The following APPL2 variants were observed in gnomAD, a reference collection of about 807,000 sequenced individuals.
APPL2 encodes DCC-interacting protein 13-beta.
APPL2 carries 84 observed loss-of-function variants against 92.7 expected under a neutral mutation model. The ratio of observed to expected loss-of-function variants is 0.91; its 90% CI spans 0.76 to 1.09. APPL2 has a LOEUF of 1.09. Ranked by LOEUF, APPL2 falls within the 50% of genes least tolerant of loss-of-function variation. The pLI, the probability that APPL2 is intolerant of heterozygous loss-of-function variation, is 0.00. For missense variants in APPL2, 736 were observed against 824.5 expected (o/e 0.89, Z 1.31); for synonymous variants, 291 against 291.0 (o/e 1.00, Z 0.00).
intron 2 of APPL2, among the ~76,000 whole-genome samples, chr12:105,223,284 G>T (rs980714685): frequency 6.6e-6 from 1 of 152,132 alleles, no homozygotes; most frequent in Non-Finnish European, 1.5e-5. Flanking sequence ...ACGTTGTTTC[G>T]AATAAAGACC....
At chr12:105,196,928 A>G (rs904171277) in intron 11 of APPL2, among the ~76,000 whole-genome samples, 5 of 152,318 alleles carry the variant, frequency 3.3e-5, no homozygotes, top group Middle Eastern at 3.4e-3. Context: ...TCCCATCACC[A>G]AAGCAGGAAG....
chr12:105,205,589 G>A (rs952596457), intron 8 of APPL2, among the ~76,000 whole-genome samples: 1 of 152,188 alleles, frequency 6.6e-6, no homozygotes, highest in South Asian at 2.1e-4. Context: ...TATCAAGCAA[G>A]TTCTACAGCA....
At chr12:105,233,376 G>C in intron 1 of APPL2, 3 of 985,448 alleles carry the variant, frequency 3.0e-6, no homozygotes, top group African/African-American at 3.5e-5. Flanking sequence ...CAGAAATAAC[G>C]CATGTGTATG....
intron 1 of APPL2, among the ~76,000 whole-genome samples, chr12:105,230,806 T>A (rs924954508): frequency 6.6e-6 from 1 of 152,222 alleles, no homozygotes; most frequent in Non-Finnish European, 1.5e-5. Context: ...AGGACTAATG[T>A]ACTGTCTTCA....
chr12:105,204,798 G>T (rs1888557793), intron 8 of APPL2, among the ~76,000 whole-genome samples: 1 of 152,058 alleles, frequency 6.6e-6, no homozygotes, highest in African/African-American at 2.4e-5. Flanking sequence ...CTTAGGGCAG[G>T]GGCTCACATA....
rs1276052431 is a variant in APPL2, at chr12:105,195,604, C to T, written c.1076G>A (p.Ser359Asn). 1 of 1,614,228 alleles carries T rather than the reference C, an allele frequency of 6.2e-7. No individual in the cohort carries two copies. The highest frequency in any genetic ancestry group is 8.5e-7 in the Non-Finnish European group (1 of 1,180,048). ...GKSGIILQAE[S>N]RKENEEWICA... Reference sequence around the variant, plus strand: ...TTTTACCTCTTCATTTTCCTTTCTGCTCTCAGCCTGGAGGATTATTCCCCT... The same window carrying T: ...TTTTACCTCTTCATTTTCCTTTCTGTTCTCAGCCTGGAGGATTATTCCCCT... Residue 359 changes from serine to asparagine, a missense_variant, in exon 12 of 21, where the codon AGC (serine) becomes AAC (asparagine). Transcript: ENST00000258530.
At chr12:105,178,749 T>C (rs1256107631) in intron 17 of APPL2, among the ~76,000 whole-genome samples, 2 of 152,190 alleles carry the variant, frequency 1.3e-5, no homozygotes, top group Non-Finnish European at 2.9e-5. Context: ...GTTATGACAG[T>C]TAATGAGAAG....
chr12:105,186,927 T>A (rs1886785554), intron 17 of APPL2, among the ~76,000 whole-genome samples: 1 of 151,948 alleles, frequency 6.6e-6, no homozygotes, highest in Admixed American at 6.6e-5. Context: ...CATTTTTTAA[T>A]TGGGTTGTCT....
In APPL2 at chr12:105,208,024, C is replaced by T. The variant is rs745968773; in HGVS notation, c.421G>A (p.Asp141Asn). ...CTGCTGTATTTTGCCATTGAGAGGT[C>T]ATGCTCTAAAAATAAACAGACATCT... ...DLFGLASNEH[D>N]LSMAKYSRLP... The change falls in exon 7 of 21, where the codon GAC (aspartate) becomes AAC (asparagine). Residue 141 changes from aspartate (D) to asparagine (N), a missense_variant. Asp to Asn is a conservative substitution (Grantham distance 23). Transcript: ENST00000258530. 1.9e-6 allele frequency: 3 copies of T among 1,614,022 alleles called. No individual in the cohort carries two copies.
rs200542741 is a variant in APPL2 at position 105,190,102 on chromosome 12, T to C, written c.1295A>G (p.Lys432Arg). ...TGCTTCAGGTAGACTGGCTGTTGCTTTGGGAACAATCTTGTCATTTTCATT... is the reference window on the plus strand; with the variant it reads ...TGCTTCAGGTAGACTGGCTGTTGCTCTGGGAACAATCTTGTCATTTTCATT... ...MENENDKIVP[K>R]ATASLPEAEE... The change falls in exon 15 of 21, where the codon AAA (lysine) becomes AGA (arginine). Residue 432 changes from lysine (K) to arginine (R), a missense_variant. Coordinates refer to ENST00000258530, the MANE Select transcript of APPL2 (RefSeq NM_018171.5). 140 of 1,614,188 alleles carry C rather than the reference T, an allele frequency of 8.7e-5. 1 individual carries two copies. Among genetic ancestry groups the C allele is most frequent in the Non-Finnish European group, 7.6e-6 (9 of 1,180,018 alleles).
chr12:105,177,772 T>C (rs767279501), intron 17 of APPL2, among the ~76,000 whole-genome samples: 17 of 152,180 alleles, frequency 1.1e-4, no homozygotes, highest in Non-Finnish European at 2.2e-4. Context: ...TATTCCAAAA[T>C]ATATTTCCTT....
chr12:105,177,199 T>C (rs1885631208), intron 18 of APPL2, 27 bp downstream of exon 18: 2 of 1,612,580 alleles, frequency 1.2e-6, no homozygotes, highest in African/African-American at 2.7e-5. Flanking sequence ...GAGTAATCAC[T>C]AACATGAACC....
At chr12:105,222,519 G>A (rs3794227) in intron 2 of APPL2, among the ~76,000 whole-genome samples, 29,313 of 152,110 alleles carry the variant, frequency 0.19, 2,990 homozygotes, top group East Asian at 0.27. Flanking sequence ...GATGGAGAAC[G>A]GTGCCTTCAG....
At position 105,190,228 on chromosome 12, in the gene APPL2, G is replaced by A. The variant is rs1370664869; in HGVS notation, c.1242-73C>T. On this transcript the variant is annotated intron_variant, in intron 14 of 20. Coordinates refer to ENST00000258530, the MANE Select transcript of APPL2 (RefSeq NM_018171.5). ...AAGTGAATACTTGTTGAAGGCTGAG[G>A]TGACTTTTATGAATGAAAATACAAG... 18 of 1,484,306 alleles carry A rather than the reference G, an allele frequency of 1.2e-5. No homozygotes were observed. The Admixed American group carries it at 2.7e-4, about 22-fold the overall frequency. 91.9% of individuals were successfully genotyped at this position (1,484,306 alleles called of 1,614,324 possible). A position where few individuals can be genotyped will look rare whatever the true frequency, so the allele number is the denominator to read the frequency against.
intron 4 of APPL2, among the ~76,000 whole-genome samples, chr12:105,213,113 C>T (rs944437329): frequency 5.3e-5 from 8 of 152,188 alleles, no homozygotes; most frequent in African/African-American, 1.9e-4. Flanking sequence ...AATATAATAG[C>T]CCAATTAAGT....
intron 17 of APPL2, among the ~76,000 whole-genome samples, chr12:105,186,206 AT>A (rs1465028500): frequency 6.6e-6 from 1 of 151,760 alleles, no homozygotes; most frequent in Non-Finnish European, 1.5e-5. Context: ...TTTTTTTCAG[AT>A]TTTAGAATAC....
chr12:105,199,705 C>T lies in APPL2; in HGVS notation c.705-174G>A, dbSNP rs1004853153. Among the ~76,000 whole-genome samples, 6 of 152,350 alleles carry T rather than the reference C, an allele frequency of 3.9e-5. 1 individual carries two copies. The highest frequency in any genetic ancestry group is 6.5e-5 in the Admixed American group (1 of 15,310). On this transcript the variant is annotated intron_variant, in intron 9 of 20. Coordinates refer to ENST00000258530, the MANE Select transcript of APPL2 (RefSeq NM_018171.5). ...CTTAGGCCCTGAAAACTATGAATCA[C>T]AGGGACTCAATTTTGCAGTAGTAAA...
Position 105,220,874 on chromosome 12 carries a change from C to T in APPL2, c.154-3149G>A, listed in dbSNP as rs1265918864. Among the ~76,000 whole-genome samples the T allele has an allele frequency of 4.6e-5, 7 of 152,342 alleles. No individual in the cohort carries two copies. The East Asian group carries it at 7.7e-4, about 17-fold the overall frequency. ...CAACAGCTGCCTTCCAAAACGACTT[C>T]GAACAACCAGACTCTCTGGGTCTCT... On this transcript the variant is annotated intron_variant, in intron 2 of 20. Coordinates refer to ENST00000258530, the MANE Select transcript of APPL2 (RefSeq NM_018171.5).
chr12:105,186,699 C>CATAT (rs145976697), intron 17 of APPL2, among the ~76,000 whole-genome samples: 1,911 of 134,534 alleles, frequency 0.014, 35 homozygotes, highest in Non-Finnish European at 0.019. Context: ...TATCATATAT[C>CATAT]ATATCATATA....
Sources: gnomAD v4.1 joint callset for allele counts (sites outside exome capture counted in the v4.1 genomes callset) on GRCh38, gnomAD v4.1.1 for gene constraint, MANE v1.5 for transcripts, NCBI Gene and HGNC (gene_info 2026-07-23, HGNC 2026-07-21) for gene names.